PI4KA: variants seen among roughly 807,000 people sequenced by gnomAD.
The protein encoded by PI4KA is PI4-kinase alpha.
PI4KA carries 122 observed loss-of-function variants against 271.4 expected under a neutral mutation model. That is an observed-to-expected ratio of 0.45 (90% CI 0.39 to 0.52). The LOEUF (loss-of-function observed/expected upper bound fraction) is 0.52. PI4KA is among the 20% of genes least tolerant of loss of function. The pLI is 0.00. For missense variants in PI4KA, 1,969 were observed against 2,769.1 expected (o/e 0.71, Z 6.48); for synonymous variants, 1,041 against 1,078.8 (o/e 0.96, Z 0.69).
chr22:20,710,567 C>T (rs1925121573), intron 52 of PI4KA, 132 bp downstream of exon 52: 1 of 765,406 alleles, frequency 1.3e-6, no homozygotes, highest in South Asian at 1.8e-5. Flanking sequence ...GACCAAAGGA[C>T]AGGTGTAGGT....
At chr22:20,726,364 G>A (rs1927346854) in intron 42 of PI4KA, 124 bp downstream of exon 42, 1 of 737,742 alleles carries the variant, frequency 1.4e-6, no homozygotes, top group Non-Finnish European at 2.1e-6. Context: ...CAAGGGGACT[G>A]CTGGGCAGCC....
chr22:20,825,305 G>C (rs1386474566), intron 3 of PI4KA, among the ~76,000 whole-genome samples: 1 of 152,030 alleles, frequency 6.6e-6, no homozygotes, highest in Admixed American at 6.6e-5. Context: ...CCATCAAATT[G>C]CAGGACAGAC....
Position 20,713,696 on chromosome 22 carries a change from G to T in PI4KA, c.5462-306C>A, listed in dbSNP as rs6004032. 0.069 allele frequency among the ~76,000 whole-genome samples: 10,453 copies of T among 152,320 alleles called. 349 individuals are homozygous for T. Among genetic ancestry groups the T allele is most frequent in the East Asian group, 0.08 (413 of 5,184 alleles). On this transcript the variant is annotated intron_variant, in intron 47 of 54. Coordinates refer to ENST00000255882, the MANE Select transcript of PI4KA (RefSeq NM_058004.4). ...TCAGTGTTGGGTGCTGTGAGCTAGG[G>T]GGCAGGAGGAATGTGTCTGTACACT... is the stretch of plus-strand genomic sequence containing the variant.
At chr22:20,769,430 G>A (rs1330173043) in intron 19 of PI4KA, among the ~76,000 whole-genome samples, 3 of 152,176 alleles carry the variant, frequency 2.0e-5, no homozygotes, top group African/African-American at 7.2e-5. Context: ...AGCACTTTGG[G>A]AGGCCAAGAC....
chr22:20,717,505 G>A (rs923827195), intron 45 of PI4KA, among the ~76,000 whole-genome samples: 7 of 152,258 alleles, frequency 4.6e-5, no homozygotes, highest in African/African-American at 1.2e-4. Context: ...ACCCACTGAC[G>A]AGCAGCTCCC....
chr22:20,751,904 G>C, intron 25 of PI4KA, 149 bp from the exon 26 acceptor site: 1 of 672,998 alleles, frequency 1.5e-6, no homozygotes, highest in Non-Finnish European at 2.6e-6. Flanking sequence ...AGGATGCCTG[G>C]CCTCCTCAGG....
At chr22:20,833,593 G>T (rs1338342803) in intron 3 of PI4KA, among the ~76,000 whole-genome samples, 1 of 151,846 alleles carries the variant, frequency 6.6e-6, no homozygotes, top group Non-Finnish European at 1.5e-5. Context: ...ATGTTAATGA[G>T]AACAGCAAAA....
chr22:20,857,629 T>C (rs1927766938), intron 1 of PI4KA, among the ~76,000 whole-genome samples: 1 of 152,242 alleles, frequency 6.6e-6, no homozygotes, highest in South Asian at 2.1e-4. Flanking sequence ...AAAGTTGACA[T>C]TTACTGCTCA....
intron 23 of PI4KA, among the ~76,000 whole-genome samples, chr22:20,757,290 C>A (rs370494311): frequency 1.3e-5 from 2 of 152,110 alleles, no homozygotes; most frequent in Non-Finnish European, 2.9e-5. Context: ...TGGCTAAGTG[C>A]CACGCTCAGA....
chr22:20,834,344 A>G (rs1194444370), intron 3 of PI4KA, among the ~76,000 whole-genome samples: 1 of 152,142 alleles, frequency 6.6e-6, no homozygotes, highest in Non-Finnish European at 1.5e-5. Context: ...ATGCAATGGA[A>G]AGCTGGCCTA....
chr22:20,801,123 C>T (rs777743843), intron 14 of PI4KA, among the ~76,000 whole-genome samples: 1 of 149,554 alleles, frequency 6.7e-6, no homozygotes, highest in Non-Finnish European at 1.5e-5. Flanking sequence ...AACTCCTGAC[C>T]TCATGATCCA....
chr22:20,713,448 G>A (rs1335482248), intron 47 of PI4KA, 58 bp from the exon 48 acceptor site: 15 of 1,344,102 alleles, frequency 1.1e-5, no homozygotes, highest in African/African-American at 2.9e-5. Flanking sequence ...CCCTCTGAGG[G>A]GGCCAGGGAT....
chr22:20,775,926 A>C (rs1484712212), intron 19 of PI4KA, among the ~76,000 whole-genome samples: 2 of 143,310 alleles, frequency 1.4e-5, no homozygotes, highest in Non-Finnish European at 3.2e-5. Context: ...CTATTGATAC[A>C]CAGTCTCCTG....
chr22:20,826,829 A>G (rs752196085), intron 3 of PI4KA, among the ~76,000 whole-genome samples: 17 of 151,896 alleles, frequency 1.1e-4, no homozygotes, highest in Admixed American at 1.0e-3. Context: ...TATTTTTCAT[A>G]TATTTTTGGC....
intron 32 of PI4KA, chr22:20,736,519 G>C (rs1928739408): frequency 6.5e-6 from 1 of 154,214 alleles, no homozygotes; most frequent in African/African-American, 2.4e-5. Context: ...GAGGGCAGCA[G>C]CTGGGATGCT....
chr22:20,738,001 T>C (rs1213317127), intron 32 of PI4KA, among the ~76,000 whole-genome samples: 3 of 152,156 alleles, frequency 2.0e-5, no homozygotes, highest in Non-Finnish European at 2.9e-5. Flanking sequence ...ATCCTGACCA[T>C]AGCAGCACTG....
At chr22:20,715,523 G>A (rs2147183073) in intron 45 of PI4KA, among the ~76,000 whole-genome samples, 1 of 152,076 alleles carries the variant, frequency 6.6e-6, no homozygotes, top group Middle Eastern at 3.4e-3. Flanking sequence ...CGCCCAGGCT[G>A]GAGTGCAGTG....
At chr22:20,806,711 T>G (rs1324664064) in intron 10 of PI4KA, among the ~76,000 whole-genome samples, 6 of 152,060 alleles carry the variant, frequency 3.9e-5, no homozygotes, top group Non-Finnish European at 7.4e-5. Context: ...AGATTACATG[T>G]ATTACAAGTA....
At chr22:20,785,469 C>T (rs1250117841) in intron 19 of PI4KA, among the ~76,000 whole-genome samples, 2 of 152,202 alleles carry the variant, frequency 1.3e-5, no homozygotes, top group African/African-American at 4.8e-5. Context: ...TGGGATTGCA[C>T]CTTAAATCTC....
Sources: allele counts gnomAD v4.1 joint callset (sites outside exome capture counted in the v4.1 genomes callset), GRCh38; gene constraint gnomAD v4.1.1; transcripts MANE v1.5; gene names NCBI Gene and HGNC (gene_info 2026-07-23, HGNC 2026-07-21).